The following CDK14 variants were observed in gnomAD, a reference collection of about 807,000 sequenced individuals.
The protein encoded by CDK14 is cyclin dependent kinase 14, also known as cyclin-dependent kinase 14.
In CDK14, 34 loss-of-function variants were observed where a neutral mutation model predicts 60.7. The ratio of observed to expected loss-of-function variants is 0.56; its 90% CI spans 0.43 to 0.75. CDK14 has a LOEUF of 0.75. CDK14 is among the 30% of genes least tolerant of loss of function. The probability of loss-of-function intolerance (pLI) is 0.00; values close to 1 mark genes in which losing one functional copy is unlikely to be tolerated. For missense variants in CDK14, 482 were observed against 564.1 expected (o/e 0.85, Z 1.47); for synonymous variants, 197 against 203.7 (o/e 0.97, Z 0.28).
intron 2 of CDK14, among the ~76,000 whole-genome samples, chr7:90,706,425 C>G (rs562557202): frequency 1.1e-4 from 17 of 152,272 alleles, no homozygotes; most frequent in African/African-American, 4.1e-4. Flanking sequence ...ACTCTTCTTA[C>G]TGTTTATTTA....
intron 8 of CDK14, among the ~76,000 whole-genome samples, chr7:90,942,471 A>G (rs763725065): frequency 1.3e-5 from 2 of 152,212 alleles, no homozygotes; most frequent in African/African-American, 2.4e-5. Context: ...GGGGTTAAGG[A>G]TCTGATCACA....
At chr7:90,829,673 C>A (rs1789849419) in intron 5 of CDK14, among the ~76,000 whole-genome samples, 1 of 152,128 alleles carries the variant, frequency 6.6e-6, no homozygotes, top group African/African-American at 2.4e-5. Context: ...GCTGGGACTA[C>A]AGATGCATGC....
chr7:90,877,873 A>G (rs925145347), intron 6 of CDK14, among the ~76,000 whole-genome samples: 1 of 152,110 alleles, frequency 6.6e-6, no homozygotes, highest in Non-Finnish European at 1.5e-5. Context: ...GGTATCTTGT[A>G]AGGGTTCAAA....
intron 14 of CDK14, among the ~76,000 whole-genome samples, chr7:91,182,369 G>C (rs116582316): frequency 0.013 from 1,956 of 151,758 alleles, 41 homozygotes; most frequent in African/African-American, 0.044. Context: ...TAGATAGATA[G>C]GTTTTTTTTT....
At chr7:90,825,637 A>G (rs181587653) in intron 5 of CDK14, among the ~76,000 whole-genome samples, 5 of 152,312 alleles carry the variant, frequency 3.3e-5, no homozygotes, top group Admixed American at 2.0e-4. Flanking sequence ...GTATAACCTT[A>G]AAAAATATGG....
At chr7:91,192,856 G>A (rs1802411654) in intron 14 of CDK14, among the ~76,000 whole-genome samples, 1 of 152,054 alleles carries the variant, frequency 6.6e-6, no homozygotes, top group South Asian at 2.1e-4. Context: ...CAAACTCTCG[G>A]GATCATCTAA....
chr7:90,598,393 C>A (rs1799240003), intron 1 of CDK14, among the ~76,000 whole-genome samples: 1 of 152,166 alleles, frequency 6.6e-6, no homozygotes, highest in African/African-American at 2.4e-5. Context: ...TGTGAAACTC[C>A]TTTTGAATCC....
chr7:91,135,942 A>G (rs1562919608), intron 14 of CDK14, among the ~76,000 whole-genome samples: 1 of 152,280 alleles, frequency 6.6e-6, no homozygotes, highest in African/African-American at 2.4e-5. Context: ...AAAACCAGGT[A>G]AAACCAACCT....
At chr7:91,123,931 T>G (rs1584094485) in intron 14 of CDK14, among the ~76,000 whole-genome samples, 1 of 151,960 alleles carries the variant, frequency 6.6e-6, no homozygotes, top group South Asian at 2.1e-4. Context: ...TTGTTATTTG[T>G]TTTTTTTAAG....
At chr7:90,965,047 T>C (rs1363155982) in intron 9 of CDK14, among the ~76,000 whole-genome samples, 9 of 152,336 alleles carry the variant, frequency 5.9e-5, no homozygotes, top group Admixed American at 2.6e-4. Flanking sequence ...TTACTTTTTT[T>C]ACGTCTCCTT....
At chr7:90,921,556 C>A (rs536188540) in intron 8 of CDK14, among the ~76,000 whole-genome samples, 2 of 152,126 alleles carry the variant, frequency 1.3e-5, no homozygotes, top group African/African-American at 4.8e-5. Flanking sequence ...ATCTCTAGAA[C>A]CATGCTTAGC....
At chr7:90,770,253 T>G (rs1804732486) in intron 4 of CDK14, among the ~76,000 whole-genome samples, 1 of 152,238 alleles carries the variant, frequency 6.6e-6, no homozygotes, top group African/African-American at 2.4e-5. Context: ...ATAATTACAA[T>G]GAAGATTTGC....
intron 5 of CDK14, among the ~76,000 whole-genome samples, chr7:90,859,540 G>T (rs1240018135): frequency 1.3e-5 from 2 of 151,614 alleles, no homozygotes; most frequent in East Asian, 1.9e-4. Context: ...TTAAAACATG[G>T]GTAAATCTCT....
At chr7:91,099,034 T>C (rs1168386140) in intron 12 of CDK14, among the ~76,000 whole-genome samples, 1 of 152,174 alleles carries the variant, frequency 6.6e-6, no homozygotes, top group Non-Finnish European at 1.5e-5. Context: ...AATAATATTA[T>C]ACAAAATTAT....
intron 6 of CDK14, among the ~76,000 whole-genome samples, chr7:90,884,985 A>G (rs536374421): frequency 1.0e-3 from 152 of 152,228 alleles, no homozygotes; most frequent in Non-Finnish European, 1.5e-3. Context: ...TAAAAACCCT[A>G]GAGGAAAACC....
At chr7:90,778,191 C>T (rs1253128994) in intron 4 of CDK14, among the ~76,000 whole-genome samples, 1 of 152,170 alleles carries the variant, frequency 6.6e-6, no homozygotes, top group Non-Finnish European at 1.5e-5. Context: ...ATCTTTTTCC[C>T]AAACAGAACT....
At chr7:91,070,034 C>A (rs967863656) in intron 11 of CDK14, among the ~76,000 whole-genome samples, 2 of 152,118 alleles carry the variant, frequency 1.3e-5, no homozygotes, top group African/African-American at 4.8e-5. Context: ...AAGGCCCAAG[C>A]AATCCTCCCA....
intron 14 of CDK14, among the ~76,000 whole-genome samples, chr7:91,173,887 C>T (rs1801622411): frequency 1.3e-5 from 2 of 152,208 alleles, no homozygotes; most frequent in African/African-American, 2.4e-5. Context: ...GGGAGGGGCA[C>T]CCGCCATTGC....
At chr7:91,088,345 T>G (rs183639159) in intron 12 of CDK14, among the ~76,000 whole-genome samples, 3 of 152,340 alleles carry the variant, frequency 2.0e-5, no homozygotes, top group Admixed American at 2.0e-4. Context: ...GTTAAACGGT[T>G]ATTTCCATCA....
Sources: allele counts gnomAD v4.1 joint callset (sites outside exome capture counted in the v4.1 genomes callset), GRCh38; gene constraint gnomAD v4.1.1; transcripts MANE v1.5; gene names NCBI Gene and HGNC (gene_info 2026-07-23, HGNC 2026-07-21).